XPO4: variants seen among roughly 807,000 people sequenced by gnomAD.
XPO4 encodes exportin 4, also known as exportin-4.
In XPO4, 39 loss-of-function variants were observed where a neutral mutation model predicts 143.0. That is an observed-to-expected ratio of 0.27 (90% CI 0.21 to 0.36). XPO4 has a LOEUF of 0.36. Among genes scored for constraint, XPO4 ranks in the 10% least tolerant of loss-of-function variants. XPO4 has a pLI of 1.00. For missense variants in XPO4, 907 were observed against 1,348.0 expected (o/e 0.67, Z 5.12); for synonymous variants, 439 against 474.0 (o/e 0.93, Z 0.96).
chr13:20,804,104 CTTT>C (rs1341039236), intron 13 of XPO4, among the ~76,000 whole-genome samples: 3 of 151,242 alleles, frequency 2.0e-5, no homozygotes, highest in South Asian at 2.1e-4. Flanking sequence ...ATCTCCCCAT[CTTT>C]TTTATCATAT....
chr13:20,802,697 A>T (rs1353659129), intron 13 of XPO4, among the ~76,000 whole-genome samples: 1 of 152,172 alleles, frequency 6.6e-6, no homozygotes, highest in African/African-American at 2.4e-5. Context: ...TCATTTTCCC[A>T]TAGAACATTA....
rs2059163577 is a variant in XPO4, at chr13:20,783,430, G to A, written c.*292C>T. ...AAAAAAGGCACTGCATATGTATTTC[G>A]TGGTGCCCATATCTGTTTGCACATA... On this transcript the variant is annotated 3_prime_UTR_variant, in exon 23 of 23. Coordinates refer to ENST00000255305, the MANE Select transcript of XPO4 (RefSeq NM_022459.5). The A allele has an allele frequency of 7.7e-6, 3 of 388,014 alleles. No homozygotes were observed. The highest frequency in any genetic ancestry group is 5.0e-5 in the East Asian group (1 of 19,872). 24.0% of individuals were successfully genotyped at this position (388,014 alleles called of 1,614,324 possible). A position where few individuals can be genotyped will look rare whatever the true frequency, so the allele number is the denominator to read the frequency against.
intron 2 of XPO4, among the ~76,000 whole-genome samples, chr13:20,864,903 AAAAG>A (rs2060232013): frequency 6.6e-6 from 1 of 152,124 alleles, no homozygotes; most frequent in Non-Finnish European, 1.5e-5. Context: ...TTCCTAATTT[AAAAG>A]AAGAAATTTT....
intron 6 of XPO4, among the ~76,000 whole-genome samples, chr13:20,832,431 C>T (rs533214175): frequency 1.3e-5 from 2 of 152,278 alleles, no homozygotes; most frequent in East Asian, 1.9e-4. Context: ...ACAGTAGCTA[C>T]ACATTATCTT....
At chr13:20,861,777 C>CTTTTTTTTTTTTTTTTTTTTTTTTTT (rs71200306) in intron 3 of XPO4, among the ~76,000 whole-genome samples, 1 of 73,394 alleles carries the variant, frequency 1.4e-5, no homozygotes, top group African/African-American at 4.8e-5. Flanking sequence ...ACATTTCTCT[C>CTTTTTTTTTTTTTTTTTTTTTTTTTT]TTTTTTTTTT....
chr13:20,831,804 A>ATT (rs34302388), intron 6 of XPO4, among the ~76,000 whole-genome samples: 9,133 of 88,616 alleles, frequency 0.1, 441 homozygotes, highest in Non-Finnish European at 0.13. Flanking sequence ...TAGTACAGTG[A>ATT]TTTTTTTTTT....
At chr13:20,886,531 GA>G (rs1423384616) in intron 1 of XPO4, among the ~76,000 whole-genome samples, 1 of 151,932 alleles carries the variant, frequency 6.6e-6, no homozygotes, top group Non-Finnish European at 1.5e-5. Flanking sequence ...AGAATCCCTT[GA>G]ACCCAAGATG....
intron 18 of XPO4, among the ~76,000 whole-genome samples, chr13:20,792,288 A>C (rs1182459025): frequency 2.0e-5 from 3 of 152,188 alleles, no homozygotes; most frequent in Non-Finnish European, 4.4e-5. Flanking sequence ...TCTACTAAAA[A>C]TACAAAAAAT....
chr13:20,791,178 C>T (rs2059275739), intron 18 of XPO4, among the ~76,000 whole-genome samples: 3 of 151,772 alleles, frequency 2.0e-5, no homozygotes, highest in South Asian at 4.1e-4. Context: ...TCTAAACAAA[C>T]GTTTATCAAA....
chr13:20,856,501 T>C (rs1262325357), intron 3 of XPO4: 3 of 332,080 alleles, frequency 9.0e-6, no homozygotes, highest in African/African-American at 4.5e-5. Flanking sequence ...TCCCAAACTT[T>C]ATAATCTAGC....
intron 6 of XPO4, among the ~76,000 whole-genome samples, chr13:20,835,955 T>A (rs897098169): frequency 2.0e-5 from 3 of 152,216 alleles, no homozygotes; most frequent in Non-Finnish European, 2.9e-5. Flanking sequence ...TCCTTATAAT[T>A]GTCTTAACAA....
chr13:20,780,613 G>A lies in XPO4; in HGVS notation c.*3109C>T, dbSNP rs1041921775. On this transcript the variant is annotated 3_prime_UTR_variant, in exon 23 of 23. Transcript: ENST00000255305. ...TGAACAGAGTAATGTAATATAATTA[G>A]ATACACAGTTTACAACGAAATAAGA... 2.0e-5 allele frequency: 3 copies of A among 152,086 alleles called. No homozygotes were observed. The highest frequency in any genetic ancestry group is 2.9e-5 in the Non-Finnish European group (2 of 68,010). 9.4% of individuals were successfully genotyped at this position (152,086 alleles called of 1,614,324 possible). A position where few individuals can be genotyped will look rare whatever the true frequency, so the allele number is the denominator to read the frequency against.
At chr13:20,865,578 T>C in intron 2 of XPO4, 2 of 971,456 alleles carry the variant, frequency 2.1e-6, no homozygotes, top group Non-Finnish European at 2.4e-6. Flanking sequence ...ATTATGTAAA[T>C]AAAATTCATT....
intron 7 of XPO4, among the ~76,000 whole-genome samples, chr13:20,823,166 A>T (rs35297365): frequency 0.017 from 2,551 of 152,316 alleles, 39 homozygotes; most frequent in Non-Finnish European, 0.028. Context: ...TACTTGCCGA[A>T]GTACTTAACT....
intron 1 of XPO4, among the ~76,000 whole-genome samples, chr13:20,884,139 C>T (rs187363036): frequency 1.6e-4 from 25 of 152,216 alleles, no homozygotes; most frequent in African/African-American, 5.5e-4. Flanking sequence ...CTTTGGGAGG[C>T]GGAGGCAGGA....
chr13:20,889,757 C>T (rs773291922), intron 1 of XPO4, among the ~76,000 whole-genome samples: 8 of 152,184 alleles, frequency 5.3e-5, no homozygotes, highest in South Asian at 2.1e-4. Flanking sequence ...TTTGCTGAAA[C>T]GACATGTGAT....
Position 20,800,827 on chromosome 13 carries a change from T to C in XPO4, c.1977+4A>G, listed in dbSNP as rs368285555. 8.7e-6 allele frequency: 14 copies of C among 1,612,210 alleles called. No homozygotes were observed. The African/African-American group carries it at 1.3e-4, about 15-fold the overall frequency. ...AAATGAAGTTTTAAGTTTTACATTCTGACCTGATCATACAGTTTTTCATCC... is the reference window on the plus strand; with the variant it reads ...AAATGAAGTTTTAAGTTTTACATTCCGACCTGATCATACAGTTTTTCATCC... On this transcript the variant is annotated splice_donor_region_variant and intron_variant, in intron 14 of 22. Coordinates refer to ENST00000255305, the MANE Select transcript of XPO4 (RefSeq NM_022459.5).
intron 1 of XPO4, among the ~76,000 whole-genome samples, chr13:20,898,302 G>A (rs2060588088): frequency 6.6e-6 from 1 of 152,126 alleles, no homozygotes; most frequent in African/African-American, 2.4e-5. Context: ...GGTGGCTCAC[G>A]CCTGTTAATC....
chr13:20,807,774 T>C, intron 12 of XPO4, 140 bp from the exon 13 acceptor site: 1 of 713,458 alleles, frequency 1.4e-6, no homozygotes, highest in South Asian at 3.1e-5. Flanking sequence ...ATTTCAAGTT[T>C]ATGCAAAAAA....
Sources: gnomAD v4.1 joint callset for allele counts (sites outside exome capture counted in the v4.1 genomes callset) on GRCh38, gnomAD v4.1.1 for gene constraint, MANE v1.5 for transcripts, NCBI Gene and HGNC (gene_info 2026-07-23, HGNC 2026-07-21) for gene names.